Variants in NUP205 observed in about 807,000 individuals in gnomAD.
NUP205 encodes nucleoporin 205.
Under a neutral mutation model 253.8 loss-of-function variants are expected in NUP205, and 76 were observed. That is an observed-to-expected ratio of 0.30 (90% CI 0.25 to 0.36). The LOEUF (loss-of-function observed/expected upper bound fraction) is 0.36. NUP205 is among the 10% of genes least tolerant of loss of function. NUP205 has a pLI of 1.00. For missense variants in NUP205, 2,162 were observed against 2,425.5 expected (o/e 0.89, Z 2.28); for synonymous variants, 832 against 850.1 (o/e 0.98, Z 0.37).
At chr7:135,561,442 A>G (rs916355890) in intron 1 of NUP205, among the ~76,000 whole-genome samples, 12 of 152,226 alleles carry the variant, frequency 7.9e-5, no homozygotes, top group Admixed American at 6.5e-4. Context: ...GGCTGAGTAC[A>G]CTCACAGACT....
At chr7:135,621,827 G>A (rs560996631) in intron 30 of NUP205, among the ~76,000 whole-genome samples, 5 of 152,032 alleles carry the variant, frequency 3.3e-5, no homozygotes, top group African/African-American at 1.2e-4. Flanking sequence ...TTTTGAGACA[G>A]AGCTTCACTC....
At chr7:135,646,366 C>A in intron 42 of NUP205, 135 bp downstream of exon 42, 1 of 667,390 alleles carries the variant, frequency 1.5e-6, no homozygotes, top group Non-Finnish European at 2.6e-6. Flanking sequence ...AGTTTGAGAG[C>A]AGTCTGGGCA....
chr7:135,595,117 TG>T (rs1254504076), intron 13 of NUP205, among the ~76,000 whole-genome samples: 2 of 152,238 alleles, frequency 1.3e-5, no homozygotes, highest in Non-Finnish European at 2.9e-5. Flanking sequence ...TGCTCTTTCC[TG>T]CCCTATACCA....
Position 135,625,199 on chromosome 7 carries a change from C to T in NUP205, c.4515C>T (p.Ser1505=), listed in dbSNP as rs149095336. 47 of 1,613,490 alleles carry T rather than the reference C, an allele frequency of 2.9e-5. No homozygotes were observed. The African/African-American group carries it at 4.1e-4, about 14-fold the overall frequency. The change falls in exon 32 of 43, where the codon TCC becomes TCT. Residue 1505 remains serine (S), a synonymous_variant. Transcript: ENST00000285968. The part of the protein sequence containing the change: ...LALALLDRIV[S]VDKQQQWLLY... ...TGGCTCTACTTGATAGAATTGTCTC[C>T]GTGGATAAACAGCAGCAGTGGCTTT...
intron 1 of NUP205, among the ~76,000 whole-genome samples, chr7:135,560,859 G>A (rs1805562963): frequency 6.6e-6 from 1 of 152,154 alleles, no homozygotes; most frequent in South Asian, 2.1e-4. Flanking sequence ...GGGGCATAGA[G>A]TTTCTGTTTT....
intron 35 of NUP205, among the ~76,000 whole-genome samples, chr7:135,631,675 C>T (rs997635030): frequency 2.0e-5 from 3 of 151,926 alleles, no homozygotes; most frequent in Non-Finnish European, 4.4e-5. Flanking sequence ...CAGTTGTGTT[C>T]CCCACCATGG....
At chr7:135,609,983 A>C (rs1357535910) in intron 22 of NUP205, among the ~76,000 whole-genome samples, 2 of 152,194 alleles carry the variant, frequency 1.3e-5, no homozygotes, top group Non-Finnish European at 2.9e-5. Flanking sequence ...GGAGGAAAGG[A>C]GAATCTGGCA....
chr7:135,558,047 T>C, intron 1 of NUP205, 75 bp downstream of exon 1: 3 of 1,291,032 alleles, frequency 2.3e-6, no homozygotes, highest in Non-Finnish European at 3.4e-6. Context: ...GACCGTGAGG[T>C]TTCTCGGAGT....
chr7:135,607,673 G>T (rs1794117117), intron 22 of NUP205, among the ~76,000 whole-genome samples: 1 of 152,226 alleles, frequency 6.6e-6, no homozygotes, highest in Non-Finnish European at 1.5e-5. Context: ...TGATGGGTCA[G>T]AAGACCTCTG....
rs1806169982 is a variant in NUP205 at position 135,576,984 on chromosome 7, C to T, written c.504C>T (p.Ser168=). ...TTCATTACAGTCCAGAGCTGGCTTC[C>T]ATGACAACACGCTTTACAGATGAGC... ...WTLELSPELA[S]MTTRFTDELM... is the part of the protein sequence containing the mutation. Residue 168 remains serine, a synonymous_variant, in exon 5 of 43, where the codon TCC becomes TCT. Transcript: ENST00000285968. 1 of 1,612,684 alleles carries T rather than the reference C, an allele frequency of 6.2e-7. No individual in the cohort carries two copies. The highest frequency in any genetic ancestry group is 1.3e-5 in the African/African-American group (1 of 74,924).
chr7:135,647,291 A>G (rs940877950), intron 42 of NUP205, among the ~76,000 whole-genome samples: 1 of 152,088 alleles, frequency 6.6e-6, no homozygotes, highest in Non-Finnish European at 1.5e-5. Flanking sequence ...TCTTTTTGCT[A>G]TTTTTCTTAA....
At chr7:135,561,263 G>GA (rs1304272004) in intron 1 of NUP205, among the ~76,000 whole-genome samples, 1 of 152,104 alleles carries the variant, frequency 6.6e-6, no homozygotes, top group African/African-American at 2.4e-5. Context: ...AGAATTGCTT[G>GA]AACCCAGGAG....
intron 19 of NUP205, among the ~76,000 whole-genome samples, chr7:135,605,054 A>T (rs75578320): frequency 2.0e-5 from 3 of 149,532 alleles, no homozygotes; most frequent in Admixed American, 6.7e-5. Context: ...TAGTTGAAGA[A>T]TTTTTTTTTT....
rs758219138 is a variant in NUP205 at position 135,557,930 on chromosome 7, T to C, written c.-15T>C. The C allele has an allele frequency of 6.2e-7, 1 of 1,613,300 alleles. No homozygotes were observed. Among genetic ancestry groups the C allele is most frequent in the East Asian group, 2.2e-5 (1 of 44,864 alleles). The stretch of plus-strand genomic sequence containing the variant: ...CCTCCATGCGGCAGAAGGGCTCTGT[T>C]AGTGCGCCTCTAAGATGGCGACGCC... On this transcript the variant is annotated 5_prime_UTR_variant, in exon 1 of 43. Coordinates refer to ENST00000285968, the MANE Select transcript of NUP205 (RefSeq NM_015135.3).
Position 135,626,266 on chromosome 7 carries a change from A to G in NUP205, c.4698A>G (p.Ile1566Met). ...CATTTCTCACAAGAGTGGCAAAGAT[A>G]CAGCAGGGTGCATTAGAGCTGCTAA... ...KMAFLTRVAK[I>M]QQGALELLRS... is the part of the protein sequence containing the mutation. The change falls in exon 33 of 43, where the codon ATA becomes ATG. Residue 1566 changes from isoleucine to methionine, a missense_variant. Coordinates refer to ENST00000285968, the MANE Select transcript of NUP205 (RefSeq NM_015135.3). 1 of 1,614,194 alleles carries G rather than the reference A, an allele frequency of 6.2e-7. No individual in the cohort carries two copies. The highest frequency in any genetic ancestry group is 8.5e-7 in the Non-Finnish European group (1 of 1,180,020).
Position 135,648,434 on chromosome 7 carries a change from G to A in NUP205, c.5917G>A (p.Glu1973Lys). 1 of 1,598,666 alleles carries A rather than the reference G, an allele frequency of 6.3e-7. No individual in the cohort carries two copies. Among genetic ancestry groups the A allele is most frequent in the Non-Finnish European group, 8.5e-7 (1 of 1,175,184 alleles). The change falls in exon 43 of 43, where the codon GAA becomes AAA. Residue 1973 changes from glutamate (E) to lysine (K), a missense_variant. Transcript: ENST00000285968. The stretch of plus-strand genomic sequence containing the variant: ...GGCTGATGCAATCAACGCTTTTGGA[G>A]AATCACTACAAAAGAAACTTCTGGA... ...LQADAINAFG[E>K]SLQKKLLDIE...
At chr7:135,646,928 A>T (rs1482609197) in intron 42 of NUP205, among the ~76,000 whole-genome samples, 1 of 152,196 alleles carries the variant, frequency 6.6e-6, no homozygotes, top group Non-Finnish European at 1.5e-5. Flanking sequence ...ATGTCTTTTG[A>T]TTAGCTTTGT....
In NUP205 at chr7:135,608,280, TC is replaced by T. The variant is rs566414065; in HGVS notation, c.3195+912del. ...ACTTTGTGATCCACCTGCCTCGGTC[TC>T]CCAAAGTGCTGGGATTATAGGCATG... On this transcript the variant is annotated intron_variant, in intron 22 of 42. Transcript: ENST00000285968. Among the ~76,000 whole-genome samples the T allele has an allele frequency of 2.3e-3, 354 of 152,222 alleles. 2 individuals are homozygous for T. Among genetic ancestry groups the T allele is most frequent in the African/African-American group, 8.0e-3 (331 of 41,538 alleles).
intron 18 of NUP205, 62 bp downstream of exon 18, chr7:135,603,056 C>T: frequency 1.7e-6 from 2 of 1,186,524 alleles, no homozygotes; most frequent in Non-Finnish European, 1.2e-6. Flanking sequence ...CTTTGATTTT[C>T]AAATCTGGTT....
Sources: gnomAD v4.1 joint callset for allele counts (sites outside exome capture counted in the v4.1 genomes callset) on GRCh38, gnomAD v4.1.1 for gene constraint, MANE v1.5 for transcripts, NCBI Gene and HGNC (gene_info 2026-07-23, HGNC 2026-07-21) for gene names.